Variants in MTPAP observed in about 807,000 individuals in gnomAD.
MTPAP encodes the protein poly(A) RNA polymerase, mitochondrial.
A neutral mutation model predicts 48.7 loss-of-function variants in MTPAP; 23 were observed. That is an observed-to-expected ratio of 0.47 (90% CI 0.34 to 0.67). The LOEUF (loss-of-function observed/expected upper bound fraction) is 0.67, where lower values mean the gene tolerates loss of function less well. Ranked by LOEUF, MTPAP falls within the 30% of genes least tolerant of loss-of-function variation. The pLI, the probability that MTPAP is intolerant of heterozygous loss-of-function variation, is 0.01. For missense variants in MTPAP, 614 were observed against 694.3 expected (o/e 0.88, Z 1.30); for synonymous variants, 257 against 254.1 (o/e 1.01, Z -0.11).
intron 4 of MTPAP, among the ~76,000 whole-genome samples, chr10:30,335,520 T>C (rs1319437542): frequency 6.6e-6 from 1 of 152,126 alleles, no homozygotes; most frequent in Non-Finnish European, 1.5e-5. Context: ...ATAAATAGCC[T>C]TTTCAACACT....
rs1840661390 is a variant in MTPAP, at chr10:30,316,276, T to G, written c.1220-66A>C. ...TTCTTTGCCTGAGATGGAGTCTCACTCTGTCATCCAGGCTGGAGTGTAGCG... is the reference window on the plus strand; with the variant it reads ...TTCTTTGCCTGAGATGGAGTCTCACGCTGTCATCCAGGCTGGAGTGTAGCG... On this transcript the variant is annotated intron_variant, in intron 6 of 8. Coordinates refer to ENST00000263063, the MANE Select transcript of MTPAP (RefSeq NM_018109.4). The G allele has an allele frequency of 5.0e-6, 6 of 1,206,840 alleles. No individual in the cohort carries two copies. The Middle Eastern group carries it at 8.0e-4, about 161-fold the overall frequency. 74.8% of individuals were successfully genotyped at this position (1,206,840 alleles called of 1,614,324 possible).
rs552764076 is a variant in MTPAP at position 30,328,389 on chromosome 10, G to A, written c.781-1754C>T. 3.9e-5 allele frequency among the ~76,000 whole-genome samples: 6 copies of A among 152,320 alleles called. No homozygotes were observed. The South Asian group carries it at 6.2e-4, about 16-fold the overall frequency. On this transcript the variant is annotated intron_variant, in intron 4 of 8. Transcript: ENST00000263063. ...GACATACTTCTTGTAGAACTTGTCC[G>A]TATCTACTGAAACTTGTATACGTTG...
At chr10:30,337,466 C>T (rs969244014) in intron 3 of MTPAP, among the ~76,000 whole-genome samples, 6 of 152,000 alleles carry the variant, frequency 3.9e-5, no homozygotes, top group Non-Finnish European at 7.4e-5. Flanking sequence ...AGGCCAGGCG[C>T]GGTGGCTCAT....
intron 4 of MTPAP, among the ~76,000 whole-genome samples, chr10:30,332,932 T>TCCATCTCTACTGGTGAA (rs2132859781): frequency 6.6e-6 from 1 of 151,912 alleles, no homozygotes; most frequent in Non-Finnish European, 1.5e-5. Context: ...CCATCCTGGC[T>TCCATCTCTACTGGTGAA]AACACGGTGA....
At chr10:30,341,348 C>T in intron 2 of MTPAP, 120 bp downstream of exon 2, 3 of 1,228,654 alleles carry the variant, frequency 2.4e-6, no homozygotes, top group South Asian at 3.1e-5. Flanking sequence ...AAAGAAGATG[C>T]AGTATATCAA....
Position 30,340,341 on chromosome 10 carries a change from C to A in MTPAP, c.440G>T (p.Arg147Leu). 1 of 1,613,960 alleles carries A rather than the reference C, an allele frequency of 6.2e-7. No individual in the cohort carries two copies. Residue 147 changes from arginine to leucine, a missense_variant, in exon 3 of 9, where the codon CGT (arginine) becomes CTT (leucine). Coordinates refer to ENST00000263063, the MANE Select transcript of MTPAP (RefSeq NM_018109.4). The part of the protein sequence containing the change: ...AMETAIPFRS[R>L]FFNLKLKNQT... ...GTTTTTCAACTTCAGATTGAAGAAA[C>A]GTGATCTGAATGGAATTGCAGTCTC...
At chr10:30,347,849 C>CCATTG (rs1294629634) in intron 1 of MTPAP, among the ~76,000 whole-genome samples, 1 of 152,078 alleles carries the variant, frequency 6.6e-6, no homozygotes, top group Non-Finnish European at 1.5e-5. Flanking sequence ...CAAGATCGTG[C>CCATTG]CATTGCACTC....
rs1840595446 is a variant in MTPAP, at chr10:30,311,755, C to T, written c.*1854G>A. ...TCTCAGCTCACTGCAGCCTCTGCCTCCCAGGTTCAAGCAGTCCTTGTGCCT... is the reference window on the plus strand; with the variant it reads ...TCTCAGCTCACTGCAGCCTCTGCCTTCCAGGTTCAAGCAGTCCTTGTGCCT... On this transcript the variant is annotated 3_prime_UTR_variant, in exon 9 of 9. Coordinates refer to ENST00000263063, the MANE Select transcript of MTPAP (RefSeq NM_018109.4). 1.3e-5 allele frequency: 2 copies of T among 152,676 alleles called. No individual in the cohort carries two copies. Among genetic ancestry groups the T allele is most frequent in the Non-Finnish European group, 2.9e-5 (2 of 68,416 alleles). The allele number at this position is 152,676 out of a possible 1,614,324, so 9.5% of individuals were successfully genotyped here. A position where few individuals can be genotyped will look rare whatever the true frequency, so the allele number is the denominator to read the frequency against.
intron 3 of MTPAP, among the ~76,000 whole-genome samples, chr10:30,338,644 C>T (rs1834759539): frequency 6.6e-6 from 1 of 152,136 alleles, no homozygotes; most frequent in South Asian, 2.1e-4. Flanking sequence ...CATTGCACTC[C>T]AGCCTGGGCA....
At chr10:30,314,809 CT>C (rs1840640220) in intron 8 of MTPAP, among the ~76,000 whole-genome samples, 1 of 146,362 alleles carries the variant, frequency 6.8e-6, no homozygotes. Flanking sequence ...GAGGCGGAGG[CT>C]GCAGTGAGCC....
intron 8 of MTPAP, 23 bp downstream of exon 8, chr10:30,315,940 C>G: frequency 6.4e-7 from 1 of 1,553,586 alleles, no homozygotes; most frequent in South Asian, 1.1e-5. Flanking sequence ...ATACTAATAA[C>G]TAAATAGTAA....
At chr10:30,328,785 C>A (rs1331758325) in intron 4 of MTPAP, among the ~76,000 whole-genome samples, 1 of 152,002 alleles carries the variant, frequency 6.6e-6, no homozygotes, top group Admixed American at 6.6e-5. Flanking sequence ...GCTAAAATAT[C>A]TAACTCAGAA....
intron 6 of MTPAP, among the ~76,000 whole-genome samples, chr10:30,321,993 T>A (rs1352898722): frequency 1.3e-5 from 2 of 152,214 alleles, no homozygotes; most frequent in Non-Finnish European, 2.9e-5. Flanking sequence ...CTTTGAAACA[T>A]CACGAAGCAG....
intron 5 of MTPAP, among the ~76,000 whole-genome samples, chr10:30,323,128 C>CAAAAAAAAAAAAA (rs201987154): frequency 3.5e-5 from 3 of 86,522 alleles, no homozygotes; most frequent in Non-Finnish European, 6.2e-5. Flanking sequence ...GACTCCGTTT[C>CAAAAAAAAAAAAA]AAAAAAAAAA....
At chr10:30,333,932 A>G (rs914819195) in intron 4 of MTPAP, among the ~76,000 whole-genome samples, 3 of 152,138 alleles carry the variant, frequency 2.0e-5, no homozygotes, top group Non-Finnish European at 4.4e-5. Context: ...TATTATTATA[A>G]TAAAACTGAC....
Position 30,316,481 on chromosome 10 carries a change from G to A in MTPAP, c.1220-271C>T, listed in dbSNP as rs2990499. On this transcript the variant is annotated intron_variant, in intron 6 of 8. Transcript: ENST00000263063. ...TGGTCTCGAACTCCTGACCTCAGGT[G>A]ATCCACCCACCTCATCCTCCCAAAG... 0.7 allele frequency among the ~76,000 whole-genome samples: 105,037 copies of A among 150,534 alleles called. 37,002 individuals carry two copies. The highest frequency in any genetic ancestry group is 0.78 in the Admixed American group (11,865 of 15,136).
At chr10:30,338,049 C>G (rs1044910961) in intron 3 of MTPAP, among the ~76,000 whole-genome samples, 18 of 151,696 alleles carry the variant, frequency 1.2e-4, no homozygotes, top group African/African-American at 4.4e-4. Flanking sequence ...CGCTTGAGCT[C>G]AGGAGTGAGA....
In MTPAP at chr10:30,326,428, T is replaced by C; in HGVS notation, c.988A>G (p.Asn330Asp). The change falls in exon 5 of 9, where the codon AAT becomes GAT. Residue 330 changes from asparagine to aspartate, a missense_variant. By Grantham distance (23) the Asn-to-Asp change is conservative. Coordinates refer to ENST00000263063, the MANE Select transcript of MTPAP (RefSeq NM_018109.4). ...AATAAATGTAAGCGGTCATACCTAT[T>C]GTTCGTAGTCAAATCACACTGAAAT... ...SGFQCDLTTN[N>D]RIALTSSELL... is the part of the protein sequence containing the mutation. 6.2e-7 allele frequency: 1 copy of C among 1,613,118 alleles called. No individual in the cohort carries two copies. Among genetic ancestry groups the C allele is most frequent in the Non-Finnish European group, 8.5e-7 (1 of 1,179,052 alleles).
chr10:30,345,127 T>C (rs913281094), intron 1 of MTPAP, among the ~76,000 whole-genome samples: 4 of 152,254 alleles, frequency 2.6e-5, no homozygotes, highest in Non-Finnish European at 1.5e-5. Flanking sequence ...TGTAAACATA[T>C]ACACTTGTAT....
Sources: gnomAD v4.1 joint callset for allele counts (sites outside exome capture counted in the v4.1 genomes callset) on GRCh38, gnomAD v4.1.1 for gene constraint, MANE v1.5 for transcripts, NCBI Gene and HGNC (gene_info 2026-07-23, HGNC 2026-07-21) for gene names.